PPARGC1B: variants seen among roughly 807,000 people sequenced by gnomAD.
PPARGC1B encodes peroxisome proliferator-activated receptor gamma coactivator 1-beta.
In PPARGC1B, 34 loss-of-function variants were observed where a neutral mutation model predicts 101.6. The observed-to-expected ratio is 0.33, with a 90% CI of 0.25 to 0.45. The LOEUF is 0.45. PPARGC1B is among the 20% of genes least tolerant of loss of function. PPARGC1B has a pLI of 1.00. For missense variants in PPARGC1B, 1,234 were observed against 1,317.6 expected, an observed-to-expected ratio of 0.94 and a Z score of 0.98; for synonymous variants, 548 against 539.3, an observed-to-expected ratio of 1.02 and a Z score of -0.22.
intron 1 of PPARGC1B, among the ~76,000 whole-genome samples, chr5:149,809,232 C>CATAGATAG (rs780945170): frequency 6.1e-4 from 5 of 8,160 alleles, no homozygotes; most frequent in African/African-American, 1.8e-3. Flanking sequence ...CCATCTCTAC[C>CATAGATAG]ATAGATAGAT....
rs1233010436 is a variant in PPARGC1B, at chr5:149,851,502, G to C, written c.*3944G>C. ...TTTTTTTAGCATTTGAGATTTAGCA[G>C]CTGCCTTCAGTTTGGGGTTACCCAC... On this transcript the variant is annotated 3_prime_UTR_variant, in exon 12 of 12. Coordinates refer to ENST00000309241, the MANE Select transcript of PPARGC1B (RefSeq NM_133263.4). The C allele has an allele frequency of 1.3e-5, 2 of 152,218 alleles. No homozygotes were observed. The highest frequency in any genetic ancestry group is 2.9e-5 in the Non-Finnish European group (2 of 68,046). The allele number at this position is 152,218 out of a possible 1,614,324, so 9.4% of individuals were successfully genotyped here.
chr5:149,802,930 G>A (rs1332433990), intron 1 of PPARGC1B, among the ~76,000 whole-genome samples: 1 of 152,118 alleles, frequency 6.6e-6, no homozygotes, highest in Non-Finnish European at 1.5e-5. Flanking sequence ...GCATAGGGAG[G>A]AGCCAGCAGA....
chr5:149,777,040 C>T (rs932565774), intron 1 of PPARGC1B, among the ~76,000 whole-genome samples: 24 of 152,176 alleles, frequency 1.6e-4, no homozygotes, highest in Admixed American at 1.2e-3. Flanking sequence ...GGAGGTTATT[C>T]CCATTGTGCA....
intron 1 of PPARGC1B, among the ~76,000 whole-genome samples, chr5:149,805,509 G>T (rs898782531): frequency 2.0e-5 from 3 of 152,034 alleles, no homozygotes; most frequent in Non-Finnish European, 4.4e-5. Context: ...GCATGATCTC[G>T]GCTCACTGCA....
rs1561584911 is a variant in PPARGC1B at position 149,820,515 on chromosome 5, C to CT, written c.161_162insT (p.Ala55GlyfsTer17). 6.2e-7 allele frequency: 1 copy of CT among 1,614,042 alleles called. No individual in the cohort carries two copies. Among genetic ancestry groups the CT allele is most frequent in the African/African-American group, 1.3e-5 (1 of 75,034 alleles). On this transcript the variant is annotated frameshift_variant, in exon 2 of 12. Coordinates refer to ENST00000309241, the MANE Select transcript of PPARGC1B (RefSeq NM_133263.4). LOFTEE classifies it high-confidence loss of function. Reference sequence around the variant, plus strand: ...CAGCTGGATGCCAGCGACTTTGACTCGGCCACCTGCTTTGGGGAGCTGCAG... The same window carrying CT: ...CAGCTGGATGCCAGCGACTTTGACTCTGGCCACCTGCTTTGGGGAGCTGCAG...
At chr5:149,789,729 C>T (rs982656258) in intron 1 of PPARGC1B, among the ~76,000 whole-genome samples, 3 of 152,222 alleles carry the variant, frequency 2.0e-5, no homozygotes, top group East Asian at 1.9e-4. Context: ...CTCACTGTTA[C>T]GAATCCCTTC....
rs779073504 is a variant in PPARGC1B at position 149,836,990 on chromosome 5, C to A, written c.2535C>A (p.Asn845Lys). 85 of 1,613,962 alleles carry A rather than the reference C, an allele frequency of 5.3e-5. No individual in the cohort carries two copies. The highest frequency in any genetic ancestry group is 7.0e-5 in the Non-Finnish European group (83 of 1,180,048). Residue 845 changes from asparagine to lysine, a missense_variant, in exon 8 of 12, where the codon AAC becomes AAA. This residue lies in a region of PPARGC1B where 497 missense variants were observed against 529.5 expected (regional missense o/e 0.94). Transcript: ENST00000309241. ...ACCAGAGCCCACCAAGCAAGGCCAACCGGCAGCTCTGTTCCCGCAGCCGCT... is the reference window on the plus strand; with the variant it reads ...ACCAGAGCCCACCAAGCAAGGCCAAACGGCAGCTCTGTTCCCGCAGCCGCT... ...CPYQSPPSKA[N>K]RQLCSRSRSS...
At chr5:149,763,897 C>T (rs1331677679) in intron 1 of PPARGC1B, among the ~76,000 whole-genome samples, 1 of 152,062 alleles carries the variant, frequency 6.6e-6, no homozygotes, top group Admixed American at 6.5e-5. Context: ...GATCCTCCCA[C>T]CTCAGCCTTC....
chr5:149,846,991 G>A (rs184612950), intron 11 of PPARGC1B: 299 of 206,470 alleles, frequency 1.4e-3, no homozygotes, highest in African/African-American at 5.3e-3. Flanking sequence ...AGGCTGAGGC[G>A]GGAGAATCAC....
intron 1 of PPARGC1B, among the ~76,000 whole-genome samples, chr5:149,777,327 A>C (rs1223708680): frequency 9.2e-5 from 14 of 152,184 alleles, no homozygotes; most frequent in Non-Finnish European, 1.5e-5. Flanking sequence ...GTCCAGAAAC[A>C]CATGCCACGG....
chr5:149,833,905 A>C lies in PPARGC1B; in HGVS notation c.1705+127A>C. 2 of 1,331,510 alleles carry C rather than the reference A, an allele frequency of 1.5e-6. No individual in the cohort carries two copies. Among genetic ancestry groups the C allele is most frequent in the Non-Finnish European group, 9.6e-7 (1 of 1,036,910 alleles). The allele number at this position is 1,331,510 out of a possible 1,614,324, so 82.5% of individuals were successfully genotyped here. A position where few individuals can be genotyped will look rare whatever the true frequency, so the allele number is the denominator to read the frequency against. On this transcript the variant is annotated intron_variant, in intron 5 of 11. Coordinates refer to ENST00000309241, the MANE Select transcript of PPARGC1B (RefSeq NM_133263.4). This position sits in a 1 kb window ranked among gnomAD's most constrained non-coding sequence, Gnocchi z 4.1. ...AACAAAGTGTTATATGGGTTTGGAC[A>C]AGTCCCTTCCCCTCCCTGGCTTTCA...
At chr5:149,800,209 A>G (rs1460433413) in intron 1 of PPARGC1B, among the ~76,000 whole-genome samples, 2 of 152,146 alleles carry the variant, frequency 1.3e-5, no homozygotes, top group Non-Finnish European at 2.9e-5. Flanking sequence ...CTATCTATGC[A>G]TCATAAAAAA....
At chr5:149,783,525 G>A (rs930967122) in intron 1 of PPARGC1B, among the ~76,000 whole-genome samples, 4 of 152,150 alleles carry the variant, frequency 2.6e-5, no homozygotes, top group Non-Finnish European at 5.9e-5. Flanking sequence ...AGTCAGATGG[G>A]GGAGACCCCA....
chr5:149,736,387 A>G (rs966075749), intron 1 of PPARGC1B, among the ~76,000 whole-genome samples: 2 of 152,000 alleles, frequency 1.3e-5, no homozygotes, highest in African/African-American at 4.8e-5. Context: ...TTTTGCGTAA[A>G]AAAGAGAAGC....
intron 1 of PPARGC1B, among the ~76,000 whole-genome samples, chr5:149,799,457 C>T (rs1757347321): frequency 6.6e-6 from 1 of 152,140 alleles, no homozygotes; most frequent in South Asian, 2.1e-4. Context: ...CCAGGGCTCT[C>T]ATGCCCTTCC....
In PPARGC1B at chr5:149,833,653, A is replaced by G. The variant is rs1422399394; in HGVS notation, c.1580A>G (p.Asp527Gly). 3 of 1,610,126 alleles carry G rather than the reference A, an allele frequency of 1.9e-6. No homozygotes were observed. Among genetic ancestry groups the G allele is most frequent in the Non-Finnish European group, 2.5e-6 (3 of 1,178,542 alleles). Reference sequence around the variant, plus strand: ...GAGCGGGAGCTGGGCAGCCCCACGGACGAGGACAGTGGCCAAGACCAGCAG... The same window carrying G: ...GAGCGGGAGCTGGGCAGCCCCACGGGCGAGGACAGTGGCCAAGACCAGCAG... ...DVERELGSPT[D>G]EDSGQDQQLL... Residue 527 changes from aspartate to glycine, a missense_variant, in exon 5 of 12, where the codon GAC becomes GGC. This residue lies in a region of PPARGC1B where 734 missense variants were observed against 768.4 expected (regional missense o/e 0.96). Coordinates refer to ENST00000309241, the MANE Select transcript of PPARGC1B (RefSeq NM_133263.4). This position sits in a 1 kb window ranked among gnomAD's most constrained non-coding sequence, Gnocchi z 4.1.
intron 1 of PPARGC1B, among the ~76,000 whole-genome samples, chr5:149,733,447 C>G (rs1484628011): frequency 1.3e-5 from 2 of 152,230 alleles, no homozygotes. Flanking sequence ...GCTTGCCCTG[C>G]TTTCTCTCCT....
chr5:149,822,444 A>G (rs1433516871), intron 2 of PPARGC1B, among the ~76,000 whole-genome samples: 2 of 152,108 alleles, frequency 1.3e-5, no homozygotes, highest in South Asian at 2.1e-4. Flanking sequence ...GACTAGCTCT[A>G]TCCATTGCTC....
At chr5:149,786,530 C>T (rs1277931804) in intron 1 of PPARGC1B, among the ~76,000 whole-genome samples, 1 of 152,218 alleles carries the variant, frequency 6.6e-6, no homozygotes, top group Non-Finnish European at 1.5e-5. Context: ...AGCCACTGTG[C>T]CCAGCCTCGT....
Sources: allele counts gnomAD v4.1 joint callset (sites outside exome capture counted in the v4.1 genomes callset), GRCh38; gene constraint gnomAD v4.1.1; regional missense constraint gnomAD v4.1.1; non-coding constraint Gnocchi (gnomAD v3.1); transcripts MANE v1.5; gene names NCBI Gene and HGNC (gene_info 2026-07-23, HGNC 2026-07-21).